NF1: variants seen among roughly 807,000 people sequenced by gnomAD.
The protein encoded by NF1 is neurofibromin.
A neutral mutation model predicts 325.7 loss-of-function variants in NF1; 122 were observed. That is an observed-to-expected ratio of 0.37 (90% CI 0.32 to 0.44). NF1 has a LOEUF of 0.44. Among genes scored for constraint, NF1 ranks in the 20% least tolerant of loss-of-function variants. The pLI, the probability that NF1 is intolerant of heterozygous loss-of-function variation, is 1.00. For missense variants in NF1, 2,140 were observed against 3,415.4 expected, an observed-to-expected ratio of 0.63 and a Z score of 9.31; for synonymous variants, 1,091 against 1,186.0, an observed-to-expected ratio of 0.92 and a Z score of 1.65.
At chr17:31,106,360 T>G (rs1402462912) in intron 1 of NF1, among the ~76,000 whole-genome samples, 1 of 152,202 alleles carries the variant, frequency 6.6e-6, no homozygotes, top group Non-Finnish European at 1.5e-5. Context: ...GTGCAGTATT[T>G]TTTTTCTATC....
rs2067634788 is a variant in NF1, at chr17:31,259,018, G to C, written c.4333-14G>C. 5 of 1,520,336 alleles carry C rather than the reference G, an allele frequency of 3.3e-6. No homozygotes were observed. The highest frequency in any genetic ancestry group is 1.7e-5 in the Admixed American group (1 of 57,852). 94.2% of individuals were successfully genotyped at this position (1,520,336 alleles called of 1,614,324 possible). On this transcript the variant is annotated splice_polypyrimidine_tract_variant and intron_variant, in intron 32 of 57. Transcript: ENST00000358273. ...AAATAATCTGATTATTTATAACCCT[G>C]TTTTATTGTGTAGATACTTCAGAGT...
intron 5 of NF1, among the ~76,000 whole-genome samples, chr17:31,180,443 A>G (rs1341650163): frequency 6.6e-6 from 1 of 152,232 alleles, no homozygotes; most frequent in East Asian, 1.9e-4. Context: ...GTTTCAACAT[A>G]TGCAAATCAA....
intron 14 of NF1, among the ~76,000 whole-genome samples, chr17:31,220,937 G>A (rs1211786150): frequency 1.3e-5 from 2 of 152,068 alleles, no homozygotes; most frequent in African/African-American, 4.8e-5. Context: ...AGCTTTTTAA[G>A]ATTCTCAACA....
chr17:31,362,182 C>A, intron 57 of NF1: 1 of 362,740 alleles, frequency 2.8e-6, no homozygotes, highest in Non-Finnish European at 3.8e-6. Context: ...CTTACACACA[C>A]TAGAATTGGA....
intron 4 of NF1, among the ~76,000 whole-genome samples, chr17:31,168,640 TG>T (rs202060992): frequency 9.9e-5 from 15 of 151,826 alleles, no homozygotes; most frequent in Admixed American, 9.9e-4. Flanking sequence ...TTCATTTGGC[TG>T]GGGGGGGACA....
At chr17:31,160,094 T>G (rs1254547000) in intron 3 of NF1, among the ~76,000 whole-genome samples, 3 of 152,146 alleles carry the variant, frequency 2.0e-5, no homozygotes, top group Non-Finnish European at 4.4e-5. Flanking sequence ...TGTATATATA[T>G]TTTTCTTTTG....
rs2066960192 is a variant in NF1 at position 31,223,388 on chromosome 17, A to G, written c.1722-56A>G. On this transcript the variant is annotated intron_variant, in intron 15 of 57. Transcript: ENST00000358273. The stretch of plus-strand genomic sequence containing the variant: ...GAGAATGCCATTCTTATGTCTGGTT[A>G]TATCTGCATTAGGTTATTGATGATG... 3.8e-6 allele frequency: 6 copies of G among 1,595,202 alleles called. No homozygotes were observed. The East Asian group carries it at 6.8e-5, about 18-fold the overall frequency.
intron 14 of NF1, among the ~76,000 whole-genome samples, chr17:31,220,208 A>G (rs1356072584): frequency 6.6e-6 from 1 of 152,170 alleles, no homozygotes; most frequent in African/African-American, 2.4e-5. Context: ...CACTTCTTAT[A>G]ATGTGTCTTT....
In NF1 at chr17:31,338,735, C is replaced by T. The variant is rs747881072; in HGVS notation, c.6851C>T (p.Thr2284Ile). Residue 2284 changes from threonine to isoleucine, a missense_variant, in exon 46 of 58, where the codon ACT becomes ATT. Thr to Ile is a moderately conservative substitution (Grantham distance 89). Coordinates refer to ENST00000358273, the MANE Select transcript of NF1 (RefSeq NM_001042492.3). ...GAGAGTTGCTTAAAAGGACCTGACA[C>T]TTACAACAGTCAAGTTCTGATAGAA... is the stretch of plus-strand genomic sequence containing the variant. The part of the protein sequence containing the change: ...ALESCLKGPD[T>I]YNSQVLIEAT... 1.2e-6 allele frequency: 2 copies of T among 1,613,314 alleles called. No individual in the cohort carries two copies. Among genetic ancestry groups the T allele is most frequent in the East Asian group, 4.5e-5 (2 of 44,746 alleles).
chr17:31,230,174 C>T (rs570721340), intron 22 of NF1, 86 bp from the exon 23 acceptor site: 16 of 1,491,596 alleles, frequency 1.1e-5, no homozygotes, highest in Admixed American at 8.9e-5. Flanking sequence ...ACATTTAATT[C>T]GTTTTACTTG....
At chr17:31,202,422 A>C (rs182571937) in intron 11 of NF1, among the ~76,000 whole-genome samples, 206 of 152,328 alleles carry the variant, frequency 1.4e-3, no homozygotes, top group Middle Eastern at 6.8e-3. Context: ...GTATTTATTT[A>C]AAATAAATAC....
At chr17:31,305,118 A>G (rs1408628610) in intron 36 of NF1, 1 of 1,614,198 alleles carries the variant, frequency 6.2e-7, no homozygotes, top group East Asian at 2.2e-5. Flanking sequence ...TGGATGGATT[A>G]TGAACAGTTA....
intron 29 of NF1, among the ~76,000 whole-genome samples, chr17:31,244,549 A>G (rs963789855): frequency 6.6e-6 from 1 of 152,136 alleles, no homozygotes; most frequent in Non-Finnish European, 1.5e-5. Context: ...ATCCTTGAGC[A>G]CCAGCTGAGC....
intron 51 of NF1, among the ~76,000 whole-genome samples, chr17:31,353,068 C>G (rs1446534675): frequency 6.6e-6 from 1 of 152,100 alleles, no homozygotes; most frequent in Non-Finnish European, 1.5e-5. Flanking sequence ...GTCACCACAT[C>G]TGGCTAACTT....
chr17:31,127,803 AATAGTT>A (rs1025866127), intron 1 of NF1, among the ~76,000 whole-genome samples: 1 of 152,058 alleles, frequency 6.6e-6, no homozygotes, highest in Non-Finnish European at 1.5e-5. Flanking sequence ...ATGATCTACA[AATAGTT>A]GTAGCTTTGT....
chr17:31,213,641 G>A (rs1234798226), intron 12 of NF1, among the ~76,000 whole-genome samples: 1 of 152,144 alleles, frequency 6.6e-6, no homozygotes, highest in Non-Finnish European at 1.5e-5. Flanking sequence ...GGTGATGTTA[G>A]CTCTGGAATA....
intron 48 of NF1, among the ~76,000 whole-genome samples, chr17:31,346,942 G>A (rs1160096225): frequency 6.7e-6 from 1 of 148,276 alleles, no homozygotes; most frequent in Non-Finnish European, 1.5e-5. Flanking sequence ...ATCTCTGTAT[G>A]CACTGATAAC....
chr17:31,310,071 C>T (rs142683536), intron 36 of NF1, among the ~76,000 whole-genome samples: 2 of 152,046 alleles, frequency 1.3e-5, no homozygotes, highest in Non-Finnish European at 2.9e-5. Flanking sequence ...TTTTTCCCAG[C>T]GGTAATGAGG....
At chr17:31,314,437 T>A (rs17880643) in intron 36 of NF1, 190 of 156,144 alleles carry the variant, frequency 1.2e-3, no homozygotes, top group African/African-American at 4.1e-3. Flanking sequence ...TAGGCAAGAC[T>A]CTGCACTTCT....
Sources: allele counts gnomAD v4.1 joint callset (sites outside exome capture counted in the v4.1 genomes callset), GRCh38; gene constraint gnomAD v4.1.1; transcripts MANE v1.5; gene names NCBI Gene and HGNC (gene_info 2026-07-23, HGNC 2026-07-21).